PDE3A: variants seen among roughly 807,000 people sequenced by gnomAD.
The protein encoded by PDE3A is phosphodiesterase 3A, also known as cGMP-inhibited 3',5'-cyclic phosphodiesterase 3A.
PDE3A carries 43 observed loss-of-function variants against 98.3 expected under a neutral mutation model. That is an observed-to-expected ratio of 0.44 (90% CI 0.34 to 0.56). The LOEUF is 0.56. Ranked by LOEUF, PDE3A falls within the 20% of genes least tolerant of loss-of-function variation. The pLI, the probability that PDE3A is intolerant of heterozygous loss-of-function variation, is 0.01. For missense variants in PDE3A, 1,427 were observed against 1,440.7 expected (o/e 0.99, Z 0.15); for synonymous variants, 663 against 567.9 (o/e 1.17, Z -2.38).
chr12:20,550,854 T>C (rs4595593), intron 1 of PDE3A, among the ~76,000 whole-genome samples: 7,085 of 152,046 alleles, frequency 0.047, 256 homozygotes, highest in Non-Finnish European at 0.07. Flanking sequence ...TATGGTATCA[T>C]TTTGTATACC....
chr12:20,657,222 C>A (rs991900660), intron 15 of PDE3A, among the ~76,000 whole-genome samples: 1 of 152,158 alleles, frequency 6.6e-6, no homozygotes, highest in Non-Finnish European at 1.5e-5. Context: ...CAATGCTTAT[C>A]AGTTAGCTGC....
At chr12:20,664,012 C>T (rs560423379) in intron 15 of PDE3A, among the ~76,000 whole-genome samples, 1 of 152,100 alleles carries the variant, frequency 6.6e-6, no homozygotes, top group South Asian at 2.1e-4. Flanking sequence ...TGTCATGCTG[C>T]TGTTCTTGTT....
Position 20,687,711 on chromosome 12 carries a change from A to C in PDE3A, c.*7440A>C, listed in dbSNP as rs1203873853. On this transcript the variant is annotated 3_prime_UTR_variant, in exon 16 of 16. Coordinates refer to ENST00000359062, the MANE Select transcript of PDE3A (RefSeq NM_000921.5). ...ATTGGTGCTTTTACAAATATTTGAA[A>C]GCTCTCAATGCAAAATAATAAAAAT... Among the ~76,000 whole-genome samples, 1 of 151,956 alleles carries C rather than the reference A, an allele frequency of 6.6e-6. No homozygotes were observed. The highest frequency in any genetic ancestry group is 1.5e-5 in the Non-Finnish European group (1 of 67,930).
chr12:20,586,495 CAT>C (rs373949578), intron 2 of PDE3A, among the ~76,000 whole-genome samples: 2 of 152,168 alleles, frequency 1.3e-5, no homozygotes, highest in African/African-American at 4.8e-5. Context: ...CTTAAAGTGA[CAT>C]AGTCATATAT....
intron 15 of PDE3A, among the ~76,000 whole-genome samples, chr12:20,674,861 T>C (rs914817947): frequency 1.3e-5 from 2 of 152,034 alleles, no homozygotes; most frequent in African/African-American, 4.8e-5. Flanking sequence ...AGCTAGTGGC[T>C]TATTCATTTT....
At chr12:20,603,471 T>G (rs1943641659) in intron 2 of PDE3A, among the ~76,000 whole-genome samples, 1 of 152,218 alleles carries the variant, frequency 6.6e-6, no homozygotes, top group East Asian at 1.9e-4. Flanking sequence ...TATGAGTATT[T>G]TGCAGTAGGG....
intron 2 of PDE3A, among the ~76,000 whole-genome samples, chr12:20,575,596 A>G (rs1380942221): frequency 1.3e-5 from 2 of 152,062 alleles, no homozygotes; most frequent in Admixed American, 1.3e-4. Context: ...CTATTAACAC[A>G]TAATTTAATA....
intron 1 of PDE3A, among the ~76,000 whole-genome samples, chr12:20,449,366 T>G (rs1266592736): frequency 6.6e-6 from 1 of 152,188 alleles, no homozygotes; most frequent in Admixed American, 6.5e-5. Flanking sequence ...CAACACCACA[T>G]TTTTGTTTTT....
chr12:20,370,349 C>G (rs749600304), intron 1 of PDE3A, 105 bp downstream of exon 1: 1 of 908,008 alleles, frequency 1.1e-6, no homozygotes, highest in Non-Finnish European at 1.5e-6. Context: ...GGAAGATAGC[C>G]TAGAAAACTG....
At chr12:20,371,377 A>C (rs1208151640) in intron 1 of PDE3A, 1 of 985,072 alleles carries the variant, frequency 1.0e-6, no homozygotes, top group African/African-American at 1.7e-5. Flanking sequence ...AGCTGGTTGG[A>C]TACAGCAAGT....
At chr12:20,634,756 C>G (rs758040625) in intron 7 of PDE3A, 146 bp from the exon 8 acceptor site, 28 of 639,180 alleles carry the variant, frequency 4.4e-5, no homozygotes, top group Admixed American at 2.8e-4. Context: ...GTTCTCCACC[C>G]TATGATCCTA....
chr12:20,595,451 T>G (rs1447641230), intron 2 of PDE3A, among the ~76,000 whole-genome samples: 1 of 152,102 alleles, frequency 6.6e-6, no homozygotes, highest in African/African-American at 2.4e-5. Flanking sequence ...TGAAGACAGT[T>G]TAGAATTAGA....
intron 1 of PDE3A, among the ~76,000 whole-genome samples, chr12:20,469,435 GT>G (rs1396809952): frequency 6.6e-6 from 1 of 152,168 alleles, no homozygotes; most frequent in Non-Finnish European, 1.5e-5. Flanking sequence ...TCAGATGGTT[GT>G]CATGGTCCCA....
intron 1 of PDE3A, among the ~76,000 whole-genome samples, chr12:20,371,642 T>C (rs1370969546): frequency 6.6e-6 from 1 of 152,250 alleles, no homozygotes; most frequent in Admixed American, 6.5e-5. Flanking sequence ...AGCATCATAG[T>C]CTGTTTATTT....
At chr12:20,654,296 C>A in intron 15 of PDE3A, 91 bp downstream of exon 15, 1 of 1,218,038 alleles carries the variant, frequency 8.2e-7, no homozygotes, top group African/African-American at 1.5e-5. Flanking sequence ...ATACACAATA[C>A]TTCAAGTCTA....
At chr12:20,535,344 C>T (rs1941721334) in intron 1 of PDE3A, among the ~76,000 whole-genome samples, 1 of 151,990 alleles carries the variant, frequency 6.6e-6, no homozygotes, top group Admixed American at 6.6e-5. Context: ...TCATTGTTTC[C>T]GTATTTGTGA....
At chr12:20,660,679 T>C (rs1945146902) in intron 15 of PDE3A, among the ~76,000 whole-genome samples, 1 of 152,218 alleles carries the variant, frequency 6.6e-6, no homozygotes, top group Non-Finnish European at 1.5e-5. Flanking sequence ...TTTGCACAAG[T>C]TCTCTTTTTG....
At position 20,386,079 on chromosome 12, in the gene PDE3A, AT is replaced by A. The variant is rs1943770252; in HGVS notation, c.960+15836del. 2.5e-4 allele frequency among the ~76,000 whole-genome samples: 12 copies of A among 48,218 alleles called. 2 individuals are homozygous for A. In the South Asian group the frequency reaches 7.8e-3, roughly 31 times the overall value. 31.6% of individuals were successfully genotyped at this position (48,218 alleles called of 152,430 possible). On this transcript the variant is annotated intron_variant, in intron 1 of 15. Coordinates refer to ENST00000359062, the MANE Select transcript of PDE3A (RefSeq NM_000921.5). ...ATATATAAATATATATAAAATATATATAAATATATAAATATATATAAATATA... is the reference window on the plus strand; with the variant it reads ...ATATATAAATATATATAAAATATATAAAATATATAAATATATATAAATATA...
intron 1 of PDE3A, among the ~76,000 whole-genome samples, chr12:20,494,584 T>C (rs1172620675): frequency 3.9e-5 from 6 of 152,118 alleles, no homozygotes; most frequent in African/African-American, 1.4e-4. Flanking sequence ...TATAGTTTTG[T>C]CCTCAAACTT....
Sources: gnomAD v4.1 joint callset for allele counts (sites outside exome capture counted in the v4.1 genomes callset) on GRCh38, gnomAD v4.1.1 for gene constraint, MANE v1.5 for transcripts, NCBI Gene and HGNC (gene_info 2026-07-23, HGNC 2026-07-21) for gene names.